The following EFR3B variants were observed in gnomAD, a reference collection of about 807,000 sequenced individuals.
The protein encoded by EFR3B is protein EFR3 homolog B.
A neutral mutation model predicts 104.7 loss-of-function variants in EFR3B; 64 were observed. The observed-to-expected ratio is 0.61, with a 90% CI of 0.50 to 0.75. The LOEUF (loss-of-function observed/expected upper bound fraction) is 0.75, where lower values mean the gene tolerates loss of function less well. EFR3B is among the 30% of genes least tolerant of loss of function. The probability of loss-of-function intolerance (pLI) is 0.00; values close to 1 mark genes in which losing one functional copy is unlikely to be tolerated. For synonymous variants in EFR3B, 385 were observed against 417.9 expected, an observed-to-expected ratio of 0.92 and a Z score of 0.96; for missense variants, 750 against 1,078.5, an observed-to-expected ratio of 0.70 and a Z score of 4.27.
At chr2:25,133,268 G>C (rs537642657) in intron 11 of EFR3B, 115 bp from the exon 12 acceptor site, 1 of 1,194,590 alleles carries the variant, frequency 8.4e-7, no homozygotes, top group African/African-American at 1.5e-5. Flanking sequence ...ACTGTCCTGG[G>C]TAACCCAACA....
chr2:25,052,882 C>A (rs1667920031), intron 1 of EFR3B, among the ~76,000 whole-genome samples: 1 of 152,150 alleles, frequency 6.6e-6, no homozygotes, highest in Non-Finnish European at 1.5e-5. Flanking sequence ...CTTATATAAT[C>A]TTCCCCCAAC....
rs953549112 is a variant in EFR3B, at chr2:25,114,551, T to C, written c.364-7122T>C. ...GTCCTGGCAGCCCGAGGGAATGGAATGGTCAACAGCCCGAGCCTCAAGTCT... is the reference window on the plus strand; with the variant it reads ...GTCCTGGCAGCCCGAGGGAATGGAACGGTCAACAGCCCGAGCCTCAAGTCT... On this transcript the variant is annotated intron_variant, in intron 4 of 22. Coordinates refer to ENST00000403714, the MANE Select transcript of EFR3B (RefSeq NM_014971.2). The surrounding 1 kb of genome is among the most constrained non-coding windows in gnomAD (Gnocchi z 4.0). Among the ~76,000 whole-genome samples the C allele has an allele frequency of 1.3e-5, 2 of 152,208 alleles. No individual in the cohort carries two copies. Among genetic ancestry groups the C allele is most frequent in the Non-Finnish European group, 2.9e-5 (2 of 68,028 alleles).
At chr2:25,081,203 G>A in intron 1 of EFR3B, 1 of 809,270 alleles carries the variant, frequency 1.2e-6, no homozygotes, top group South Asian at 1.4e-5. Flanking sequence ...TCATTTCTGA[G>A]GAAACAGCTT....
chr2:25,058,577 G>C (rs1218678969), intron 1 of EFR3B, among the ~76,000 whole-genome samples: 4 of 152,100 alleles, frequency 2.6e-5, no homozygotes, highest in Non-Finnish European at 5.9e-5. Flanking sequence ...TGGCCAACAT[G>C]ATAAAACCTC....
At chr2:25,109,230 A>T (rs1043321027) in intron 4 of EFR3B, among the ~76,000 whole-genome samples, 1 of 152,164 alleles carries the variant, frequency 6.6e-6, no homozygotes, top group Non-Finnish European at 1.5e-5. Flanking sequence ...TTTCACAAAA[A>T]AGATATACAA....
At chr2:25,106,796 C>T (rs899903580) in intron 4 of EFR3B, among the ~76,000 whole-genome samples, 1 of 152,124 alleles carries the variant, frequency 6.6e-6, no homozygotes, top group Non-Finnish European at 1.5e-5. Flanking sequence ...GTTGGCCAGG[C>T]TGGTCTCGAA....
chr2:25,080,562 G>A (rs1558593651), intron 1 of EFR3B: 1 of 500,132 alleles, frequency 2.0e-6, no homozygotes, highest in Admixed American at 3.7e-5. Flanking sequence ...CCAAAGTGTT[G>A]GGATTACAGG....
rs747756866 is a variant in EFR3B, at chr2:25,042,597, C to G, written c.7+278C>G. 18 of 1,188,230 alleles carry G rather than the reference C, an allele frequency of 1.5e-5. No homozygotes were observed. Among genetic ancestry groups the G allele is most frequent in the South Asian group, 4.3e-5 (1 of 23,140 alleles). 73.6% of individuals were successfully genotyped at this position (1,188,230 alleles called of 1,614,324 possible). On this transcript the variant is annotated intron_variant, in intron 1 of 22. Coordinates refer to ENST00000403714, the MANE Select transcript of EFR3B (RefSeq NM_014971.2). The surrounding 1 kb of genome is among the most constrained non-coding windows in gnomAD (Gnocchi z 5.4). ...GAGGCTCAGGGGAAAGCGGGTCTCC[C>G]GGAGCCGAGCAGACCGGGAGTGCTG...
chr2:25,062,838 A>G (rs761113047), intron 1 of EFR3B, among the ~76,000 whole-genome samples: 43 of 152,340 alleles, frequency 2.8e-4, no homozygotes, highest in Middle Eastern at 3.4e-3. Flanking sequence ...TGACAAAACA[A>G]AGCCTGACTC....
At chr2:25,065,775 C>A (rs1314902022) in intron 1 of EFR3B, among the ~76,000 whole-genome samples, 1 of 152,178 alleles carries the variant, frequency 6.6e-6, no homozygotes, top group Non-Finnish European at 1.5e-5. Flanking sequence ...GTCCTTGTCT[C>A]CTTTTGTGAT....
chr2:25,095,764 G>A (rs1365460065), intron 3 of EFR3B, among the ~76,000 whole-genome samples: 1 of 152,088 alleles, frequency 6.6e-6, no homozygotes, highest in Non-Finnish European at 1.5e-5. Context: ...TGGGGCTGGG[G>A]TTTTTTGGTT....
intron 11 of EFR3B, 73 bp from the exon 12 acceptor site, chr2:25,133,310 A>C: frequency 2.1e-6 from 3 of 1,460,632 alleles, no homozygotes; most frequent in Non-Finnish European, 2.8e-6. Context: ...GAATTGGGGT[A>C]GAACTAAGCT....
chr2:25,108,534 T>A (rs970158626), intron 4 of EFR3B, among the ~76,000 whole-genome samples: 1 of 152,114 alleles, frequency 6.6e-6, no homozygotes, highest in Non-Finnish European at 1.5e-5. Context: ...ACACAAAAAT[T>A]AACTCAAAAT....
chr2:25,076,537 A>C lies in EFR3B; in HGVS notation c.8-14788A>C, dbSNP rs182116277. ...CACACAAGATTGTACAGCTTTGCCA[A>C]AGCTGAAGCTGGGTTTGAAACCAGG... is the stretch of plus-strand genomic sequence containing the variant. On this transcript the variant is annotated intron_variant, in intron 1 of 22. Transcript: ENST00000403714. Among the ~76,000 whole-genome samples, 10 of 152,260 alleles carry C rather than the reference A, an allele frequency of 6.6e-5. No homozygotes were observed. In the East Asian group the frequency reaches 1.9e-3, roughly 29 times the overall value.
Position 25,133,025 on chromosome 2 carries a change from A to C in EFR3B, c.1259+11A>C. 6.5e-7 allele frequency: 1 copy of C among 1,548,466 alleles called. No individual in the cohort carries two copies. ...CACAGGCAGGACGGGGTGAGCCACCAATCTCCCCCAGCCTGGAGTCCTCCT... is the reference window on the plus strand; with the variant it reads ...CACAGGCAGGACGGGGTGAGCCACCCATCTCCCCCAGCCTGGAGTCCTCCT... On this transcript the variant is annotated intron_variant, in intron 11 of 22. Transcript: ENST00000403714.
chr2:25,080,145 C>T, intron 1 of EFR3B: 1 of 1,236,274 alleles, frequency 8.1e-7, no homozygotes, highest in Non-Finnish European at 1.2e-6. Context: ...CATCACAGTG[C>T]ATGATTCTTC....
At chr2:25,074,879 A>G (rs1176734768) in intron 1 of EFR3B, among the ~76,000 whole-genome samples, 2 of 152,110 alleles carry the variant, frequency 1.3e-5, no homozygotes, top group Non-Finnish European at 1.5e-5. Flanking sequence ...CACCTCCTAA[A>G]GTGCTGGGAT....
rs1206813348 is a variant in EFR3B, at chr2:25,141,690, C to A, written c.1922+257C>A. On this transcript the variant is annotated intron_variant, in intron 17 of 22. Coordinates refer to ENST00000403714, the MANE Select transcript of EFR3B (RefSeq NM_014971.2). ...ACAGCCTCCGGGGGCTTTGGCCAAG[C>A]CCATGCTAAATGCATCCTGGAGGAG... 3.3e-5 allele frequency among the ~76,000 whole-genome samples: 5 copies of A among 152,350 alleles called. No individual in the cohort carries two copies. The East Asian group carries it at 9.6e-4, about 29-fold the overall frequency.
At chr2:25,127,910 A>AGCTGGAGCATCCAGCACCCTAGG (rs1382838292) in intron 5 of EFR3B, among the ~76,000 whole-genome samples, 1 of 152,178 alleles carries the variant, frequency 6.6e-6, no homozygotes. Flanking sequence ...AAAGATGGGG[A>AGCTGGAGCATCCAGCACCCTAGG]GCTGGAGCAT....
Sources: allele counts gnomAD v4.1 joint callset (sites outside exome capture counted in the v4.1 genomes callset), GRCh38; gene constraint gnomAD v4.1.1; non-coding constraint Gnocchi (gnomAD v3.1); transcripts MANE v1.5; gene names NCBI Gene and HGNC (gene_info 2026-07-23, HGNC 2026-07-21).